Variants in CST5 observed in about 807,000 individuals in gnomAD.
CST5 encodes cystatin-D.
CST5 carries 13 observed loss-of-function variants against 11.5 expected under a neutral mutation model. The observed-to-expected ratio is 1.13, with a 90% CI of 0.73 to 1.79. The LOEUF (loss-of-function observed/expected upper bound fraction) is 1.79, where lower values mean the gene tolerates loss of function less well. Among genes scored for constraint, CST5 ranks in the 40% most tolerant of loss-of-function variants. CST5 has a pLI of 0.00. For missense variants in CST5, 219 were observed against 174.5 expected, an observed-to-expected ratio of 1.25 and a Z score of -1.44; for synonymous variants, 81 against 67.6, an observed-to-expected ratio of 1.20 and a Z score of -0.97.
At chr20:23,877,828 A>T (rs761906211) in intron 1 of CST5, among the ~76,000 whole-genome samples, 1 of 152,266 alleles carries the variant, frequency 6.6e-6, no homozygotes, top group Non-Finnish European at 1.5e-5. Context: ...GGGTATCTCA[A>T]GCAAGCTGTC....
intron 2 of CST5, 147 bp downstream of exon 2, chr20:23,877,358 C>T (rs1201255224): frequency 9.6e-6 from 6 of 625,652 alleles, no homozygotes; most frequent in African/African-American, 5.4e-5. Context: ...TCCTTGCATA[C>T]GTGGCCCCAC....
In CST5 at chr20:23,879,579, C is replaced by T. The variant is rs753760355; in HGVS notation, c.98G>A (p.Gly33Asp). 1.2e-6 allele frequency: 2 copies of T among 1,613,950 alleles called. No homozygotes were observed. Among genetic ancestry groups the T allele is most frequent in the Admixed American group, 1.7e-5 (1 of 60,000 alleles). The part of the protein sequence containing the change: ...ASAQSRTLAG[G>D]IHATDLNDKS... ...GTCATTGAGGTCTGTGGCATGGATG[C>T]CACCTGCCAAGGTCCTAGATTGGGC... is the stretch of plus-strand genomic sequence containing the variant. The change falls in exon 1 of 3, where the codon GGC (glycine) becomes GAC (aspartate). Residue 33 changes from glycine (G) to aspartate (D), a missense_variant. Coordinates refer to ENST00000304710, the MANE Select transcript of CST5 (RefSeq NM_001900.5).
intron 1 of CST5, among the ~76,000 whole-genome samples, chr20:23,878,936 A>G (rs977517240): frequency 2.0e-5 from 3 of 152,244 alleles, no homozygotes; most frequent in Non-Finnish European, 4.4e-5. Context: ...GCTCTACCCC[A>G]GCAGGAACTC....
At position 23,879,445 on chromosome 20, in the gene CST5, C is replaced by T; in HGVS notation, c.231+1G>A. On this transcript the variant is annotated splice_donor_variant, in intron 1 of 2. Transcript: ENST00000304710. LOFTEE classifies it high-confidence loss of function. Reference sequence around the variant, plus strand: ...ACCCCCAGGGTGGTGGTAGCACGCACCTGCTGGTAGGCAGCCATCACCTGC... The same window carrying T: ...ACCCCCAGGGTGGTGGTAGCACGCATCTGCTGGTAGGCAGCCATCACCTGC... 6.2e-7 allele frequency: 1 copy of T among 1,613,032 alleles called. No homozygotes were observed. Among genetic ancestry groups the T allele is most frequent in the Middle Eastern group, 1.7e-4 (1 of 6,014 alleles).
At chr20:23,879,420 A>AC (rs756797175) in intron 1 of CST5, 26 bp downstream of exon 1, 1 of 1,594,252 alleles carries the variant, frequency 6.3e-7, no homozygotes, top group Non-Finnish European at 8.6e-7. Context: ...GGGACTCAGG[A>AC]CCCCCAGGGT....
intron 1 of CST5, among the ~76,000 whole-genome samples, 161 bp downstream of exon 1, chr20:23,879,285 G>A (rs1220989119): frequency 3.3e-5 from 5 of 152,152 alleles, no homozygotes; most frequent in Admixed American, 6.5e-5. Context: ...ATGCACTCAC[G>A]GCCAAGGAGT....
In CST5 at chr20:23,879,492, T is replaced by A. The variant is rs1228619033; in HGVS notation, c.185A>T (p.Asp62Val). The A allele has an allele frequency of 1.9e-6, 3 of 1,613,868 alleles. No homozygotes were observed. Among genetic ancestry groups the A allele is most frequent in the South Asian group, 2.2e-5 (2 of 91,078 alleles). The change falls in exon 1 of 3, where the codon GAT becomes GTT. Residue 62 changes from aspartate (D) to valine (V), a missense_variant. Transcript: ENST00000304710. ...ISEYNKVINK[D>V]EYYSRPLQVM... ...CTGCAGAGGGCGGCTGTAGTACTCA[T>A]CCTTATTAATGACCTTGTTGTACTC...
intron 2 of CST5, 92 bp from the exon 3 acceptor site, chr20:23,876,363 G>T: frequency 9.6e-7 from 1 of 1,036,594 alleles, no homozygotes. Context: ...GGGTGAAAAT[G>T]GTTGGAGATG....
chr20:23,875,978 G>A lies in CST5; in HGVS notation c.*210C>T. On this transcript the variant is annotated 3_prime_UTR_variant, in exon 3 of 3. Transcript: ENST00000304710. ...TGCAGGAGGTGGGAGAGTGTGCACT[G>A]CACACTGGGGCTATGAGAAGCAAGA... The A allele has an allele frequency of 2.0e-6, 1 of 497,912 alleles. No homozygotes were observed. The highest frequency in any genetic ancestry group is 5.1e-4 in the Middle Eastern group (1 of 1,948). The allele number at this position is 497,912 out of a possible 1,614,324, so 30.8% of individuals were successfully genotyped here. A position where few individuals can be genotyped will look rare whatever the true frequency, so the allele number is the denominator to read the frequency against.
chr20:23,878,637 C>CTCCACAG lies in CST5; in HGVS notation c.231+808_231+809insCTGTGGA, dbSNP rs201437817. Among the ~76,000 whole-genome samples the CTCCACAG allele has an allele frequency of 7.4e-3, 1,128 of 152,332 alleles. 17 individuals carry two copies. Among genetic ancestry groups the CTCCACAG allele is most frequent in the East Asian group, 0.037 (191 of 5,178 alleles). On this transcript the variant is annotated intron_variant, in intron 1 of 2. Transcript: ENST00000304710. ...GCAGGGACCACAGCACCAGGGAATG[C>CTCCACAG]CCCTCCTGTGCAGGGAGAGGGCTGC...
At chr20:23,879,350 C>T (rs562681339) in intron 1 of CST5, 96 bp downstream of exon 1, 30 of 891,988 alleles carry the variant, frequency 3.4e-5, no homozygotes, top group East Asian at 9.6e-5. Context: ...AATGAGTCTG[C>T]GGTTTAGATA....
rs1258769574 is a variant in CST5, at chr20:23,879,502, T to C, written c.175A>G (p.Ile59Val). 1 of 1,614,046 alleles carries C rather than the reference T, an allele frequency of 6.2e-7. No homozygotes were observed. The highest frequency in any genetic ancestry group is 2.2e-5 in the East Asian group (1 of 44,872). ...CGGCTGTAGTACTCATCCTTATTAA[T>C]GACCTTGTTGTACTCGCTGATGGCA... is the stretch of plus-strand genomic sequence containing the variant. ...DFAISEYNKV[I>V]NKDEYYSRPL... is the part of the protein sequence containing the mutation. The change falls in exon 1 of 3, where the codon ATT (isoleucine) becomes GTT (valine). Residue 59 changes from isoleucine to valine, a missense_variant. Physicochemically the swap from Ile to Val is conservative, Grantham distance 29. Transcript: ENST00000304710.
Position 23,876,277 on chromosome 20 carries a change from AAAAG to A in CST5, c.346-10_346-7del, listed in dbSNP as rs762893249. 4 of 1,606,462 alleles carry A rather than the reference AAAAG, an allele frequency of 2.5e-6. No homozygotes were observed. In the South Asian group the frequency reaches 3.3e-5, roughly 13 times the overall value. On this transcript the variant is annotated splice_polypyrimidine_tract_variant and splice_region_variant and intron_variant, in intron 2 of 2. Coordinates refer to ENST00000304710, the MANE Select transcript of CST5 (RefSeq NM_001900.5). ...TGGAAAGAGCAGAACTCTTCCTGTG[AAAAG>A]AAAGAGATGGAGAAAATGACTGTGG...
rs75418579 is a variant in CST5, at chr20:23,879,386, G to C, written c.231+60C>G. On this transcript the variant is annotated intron_variant, in intron 1 of 2. Coordinates refer to ENST00000304710, the MANE Select transcript of CST5 (RefSeq NM_001900.5). ...ATGTTGATTTGCTGGGAGTGCTCTG[G>C]GGGGTGAGGCAAAAAACCCAGCTGG... The C allele has an allele frequency of 1.5e-3, 1,893 of 1,250,862 alleles. 29 individuals carry two copies. The African/African-American group carries it at 0.024, about 16-fold the overall frequency. 77.5% of individuals were successfully genotyped at this position (1,250,862 alleles called of 1,614,324 possible). A position where few individuals can be genotyped will look rare whatever the true frequency, so the allele number is the denominator to read the frequency against.
chr20:23,877,676 C>T (rs1480694389), intron 1 of CST5, 58 bp from the exon 2 acceptor site: 1 of 1,383,910 alleles, frequency 7.2e-7, no homozygotes, highest in African/African-American at 1.4e-5. Flanking sequence ...CATGCACACG[C>T]AGGCACTTCA....
Position 23,877,590 on chromosome 20 carries a change from T to G in CST5, c.260A>C (p.Asn87Thr), listed in dbSNP as rs371135852. ...QIVGGVNYYF[N>T]VKFGRTTCTK... The stretch of plus-strand genomic sequence containing the variant: ...GCATGTGGTTCGACCGAACTTCACA[T>G]TGAAGTAGTAGTTCACCCCACCCAC... The change falls in exon 2 of 3, where the codon AAT (asparagine) becomes ACT (threonine). Residue 87 changes from asparagine (N) to threonine (T), a missense_variant. Physicochemically the swap from Asn to Thr is moderately conservative, Grantham distance 65 (BLOSUM62 0). Coordinates refer to ENST00000304710, the MANE Select transcript of CST5 (RefSeq NM_001900.5). The G allele has an allele frequency of 6.2e-7, 1 of 1,612,936 alleles. No individual in the cohort carries two copies. Among genetic ancestry groups the G allele is most frequent in the African/African-American group, 1.3e-5 (1 of 74,656 alleles).
chr20:23,879,042 C>T (rs533521359), intron 1 of CST5, among the ~76,000 whole-genome samples: 2 of 152,280 alleles, frequency 1.3e-5, no homozygotes, highest in East Asian at 3.9e-4. Flanking sequence ...GGGAGGGAAG[C>T]GGGGCTATCC....
Position 23,876,184 on chromosome 20 carries a change from A to AT in CST5, c.*3_*4insA, listed in dbSNP as rs747138531. The AT allele has an allele frequency of 1.3e-5, 21 of 1,611,352 alleles. No individual in the cohort carries two copies. The highest frequency in any genetic ancestry group is 1.6e-4 in the Middle Eastern group (1 of 6,078). On this transcript the variant is annotated 3_prime_UTR_variant, in exon 3 of 3. Transcript: ENST00000304710. ...GGTCAGTGTGACAGGCCTTGCACAG[A>AT]CCCCTAGACTTTCCGGCACTTGTAG...
At chr20:23,879,126 A>G (rs986355090) in intron 1 of CST5, among the ~76,000 whole-genome samples, 2 of 152,096 alleles carry the variant, frequency 1.3e-5, no homozygotes, top group Non-Finnish European at 2.9e-5. Flanking sequence ...CGTGGCCTGG[A>G]TCTCATCCTG....
Sources: gnomAD v4.1 joint callset for allele counts (sites outside exome capture counted in the v4.1 genomes callset) on GRCh38, gnomAD v4.1.1 for gene constraint, MANE v1.5 for transcripts, NCBI Gene and HGNC (gene_info 2026-07-23, HGNC 2026-07-21) for gene names.